The following BOC variants were observed in gnomAD, a reference collection of about 807,000 sequenced individuals.
BOC encodes the protein brother of CDO.
Under a neutral mutation model 112.0 loss-of-function variants are expected in BOC, and 76 were observed. The observed-to-expected ratio is 0.68, with a 90% CI of 0.56 to 0.82. BOC has a LOEUF of 0.82. BOC is among the 40% of genes least tolerant of loss of function. The probability of loss-of-function intolerance (pLI) is 0.00; values close to 1 mark genes in which losing one functional copy is unlikely to be tolerated. For synonymous variants in BOC, 580 were observed against 599.8 expected (o/e 0.97, Z 0.48); for missense variants, 1,309 against 1,511.7 (o/e 0.87, Z 2.22).
In BOC at chr3:113,273,268, C is replaced by T. The variant is rs1324828791; in HGVS notation, c.1161C>T (p.Gly387=). 5.6e-6 allele frequency: 9 copies of T among 1,612,588 alleles called. No homozygotes were observed. Among genetic ancestry groups the T allele is most frequent in the East Asian group, 2.2e-5 (1 of 44,870 alleles). Reference sequence around the variant, plus strand: ...TCAGCATGGGGCCTGAGGACGAAGGCGTCTACCAGTGCATGGCCGAGAACG... The same window carrying T: ...TCAGCATGGGGCCTGAGGACGAAGGTGTCTACCAGTGCATGGCCGAGAACG... The part of the protein sequence containing the change: ...RVLSMGPEDE[G]VYQCMAENEV... Residue 387 remains glycine (G), a synonymous_variant, in exon 8 of 20, where the codon GGC becomes GGT. Coordinates refer to ENST00000682979, the MANE Select transcript of BOC (RefSeq NM_001378074.1).
In BOC at chr3:113,272,564, C is replaced by T. The variant is rs1485732938; in HGVS notation, c.822C>T (p.Tyr274=). The part of the protein sequence containing the change: ...WAKDGSSVTG[Y]NKTRFLLSNL... ...AGGATGGGTCCAGTGTCACCGGCTACAACAAGACGCGCTTCCTGCTGAGCA... is the reference window on the plus strand; with the variant it reads ...AGGATGGGTCCAGTGTCACCGGCTATAACAAGACGCGCTTCCTGCTGAGCA... Residue 274 remains tyrosine, a synonymous_variant, in exon 7 of 20, where the codon TAC becomes TAT. Transcript: ENST00000682979. The T allele has an allele frequency of 5.6e-6, 9 of 1,613,942 alleles. No homozygotes were observed. Among genetic ancestry groups the T allele is most frequent in the Non-Finnish European group, 7.6e-6 (9 of 1,179,968 alleles).
chr3:113,285,378 C>T lies in BOC; in HGVS notation c.2973C>T (p.Pro991=), dbSNP rs747872007. 1 of 1,612,834 alleles carries T rather than the reference C, an allele frequency of 6.2e-7. No individual in the cohort carries two copies. Among genetic ancestry groups the T allele is most frequent in the South Asian group, 1.1e-5 (1 of 91,008 alleles). ...CTGGGCTTGTGCACTGCAGGGGTCC[C>T]AAGTCTAGCCCGGACGAGGGCTCTT... ...DPQSHQITRG[P]KSSPDEGSFL... Residue 991 remains proline, a synonymous_variant, in exon 19 of 20, where the codon CCC becomes CCT. Transcript: ENST00000682979.
chr3:113,230,887 C>T (rs964514612), intron 2 of BOC, among the ~76,000 whole-genome samples: 2 of 152,162 alleles, frequency 1.3e-5, no homozygotes, highest in African/African-American at 2.4e-5. Context: ...TTTTATATAA[C>T]TTACTAAACA....
intron 4 of BOC, among the ~76,000 whole-genome samples, chr3:113,266,350 A>G (rs1947479813): frequency 6.6e-6 from 1 of 152,058 alleles, no homozygotes; most frequent in African/African-American, 2.4e-5. Context: ...TTAACACATC[A>G]CTCCTTGAAT....
intron 1 of BOC, chr3:113,212,720 T>TCGTGTGTGCGTGTA (rs1211423774): frequency 6.6e-6 from 1 of 151,754 alleles, no homozygotes; most frequent in Non-Finnish European, 1.5e-5. Context: ...GAGAGAGAGT[T>TCGTGTGTGCGTGTA]CGTGTGTGCG....
At chr3:113,279,495 C>A (rs745635843) in intron 12 of BOC, 40 bp downstream of exon 12, 2 of 1,584,578 alleles carry the variant, frequency 1.3e-6, no homozygotes, top group Non-Finnish European at 1.7e-6. Context: ...CCTGATCCCC[C>A]AGCTGCCCCT....
Position 113,279,271 on chromosome 3 carries a change from C to A in BOC, c.1839C>A (p.Pro613=), listed in dbSNP as rs773794122. The stretch of plus-strand genomic sequence containing the variant: ...CAGCCCCAGAAGCTCCCGACAGGCC[C>A]ACCATCTCCACGGCCTCCGAGACCT... ...RLSPPEAPDR[P]TISTASETSV... is the part of the protein sequence containing the mutation. Residue 613 remains proline (P), a synonymous_variant, in exon 12 of 20, where the codon CCC becomes CCA. Transcript: ENST00000682979. 6.2e-7 allele frequency: 1 copy of A among 1,613,910 alleles called. No homozygotes were observed. Among genetic ancestry groups the A allele is most frequent in the African/African-American group, 1.3e-5 (1 of 74,948 alleles).
At chr3:113,214,659 T>C (rs1449239554) in intron 1 of BOC, among the ~76,000 whole-genome samples, 1 of 152,234 alleles carries the variant, frequency 6.6e-6, no homozygotes, top group Non-Finnish European at 1.5e-5. Context: ...CTAAGCCCTC[T>C]TGCTGTCTGG....
At chr3:113,240,512 G>A (rs1335508085) in intron 2 of BOC, among the ~76,000 whole-genome samples, 1 of 152,204 alleles carries the variant, frequency 6.6e-6, no homozygotes, top group African/African-American at 2.4e-5. Context: ...CTAGGAGCAT[G>A]TATTCATTCA....
intron 2 of BOC, among the ~76,000 whole-genome samples, chr3:113,217,795 C>T (rs1939744609): frequency 1.3e-5 from 2 of 151,996 alleles, no homozygotes; most frequent in Non-Finnish European, 2.9e-5. Context: ...AAAGTTAAAA[C>T]CTGGTATCAG....
rs181225432 is a variant in BOC, at chr3:113,240,818, G to C, written c.-81-8904G>C. 9.2e-5 allele frequency among the ~76,000 whole-genome samples: 14 copies of C among 152,190 alleles called. No individual in the cohort carries two copies. The East Asian group carries it at 9.7e-4, about 11-fold the overall frequency. The stretch of plus-strand genomic sequence containing the variant: ...TCCTCCTTCCTTTTTGAGCACTGGC[G>C]GGGGAAGATGCCCTTAGACCTCAGG... On this transcript the variant is annotated intron_variant, in intron 2 of 19. Transcript: ENST00000682979.
rs763842993 is a variant in BOC at position 113,273,170 on chromosome 3, C to T, written c.1063C>T (p.Leu355=). The change falls in exon 8 of 20, where the codon CTG becomes TTG. Residue 355 remains leucine, a synonymous_variant. Transcript: ENST00000682979. The part of the protein sequence containing the change: ...EVRGNPPPSV[L]WLRNAVPLIS... Reference sequence around the variant, plus strand: ...GCGTGGGAACCCCCCGCCCTCCGTGCTGTGGCTGAGGAATGCTGTGCCCCT... The same window carrying T: ...GCGTGGGAACCCCCCGCCCTCCGTGTTGTGGCTGAGGAATGCTGTGCCCCT... The T allele has an allele frequency of 6.2e-7, 1 of 1,614,068 alleles. No homozygotes were observed. The highest frequency in any genetic ancestry group is 8.5e-7 in the Non-Finnish European group (1 of 1,180,010).
upstream of BOC, chr3:113,211,026 G>T (rs1045758310): frequency 6.6e-6 from 1 of 152,254 alleles, no homozygotes; most frequent in Non-Finnish European, 1.5e-5. Flanking sequence ...GGTCGGGGGA[G>T]GCTGCGTTAA....
chr3:113,246,416 A>G (rs1944926769), intron 2 of BOC, among the ~76,000 whole-genome samples: 1 of 152,192 alleles, frequency 6.6e-6, no homozygotes, highest in African/African-American at 2.4e-5. Context: ...TACTTTGTTC[A>G]TTTCACAATG....
At chr3:113,247,235 G>A (rs1377474347) in intron 2 of BOC, among the ~76,000 whole-genome samples, 1 of 151,930 alleles carries the variant, frequency 6.6e-6, no homozygotes, top group Non-Finnish European at 1.5e-5. Context: ...TTTCCTTAAG[G>A]GCCTGGGGAA....
chr3:113,226,039 A>G (rs1030568302), intron 2 of BOC, among the ~76,000 whole-genome samples: 5 of 152,252 alleles, frequency 3.3e-5, no homozygotes. Context: ...CACACCAGGT[A>G]TCCAGTGTGT....
intron 16 of BOC, 105 bp from the exon 17 acceptor site, chr3:113,284,230 T>C: frequency 1.1e-6 from 1 of 940,568 alleles, no homozygotes; most frequent in Non-Finnish European, 1.7e-6. Flanking sequence ...GCCTACGTCC[T>C]TCAACCCTCT....
chr3:113,241,876 G>C (rs1409370455), intron 2 of BOC, among the ~76,000 whole-genome samples: 3 of 152,058 alleles, frequency 2.0e-5, no homozygotes, highest in African/African-American at 7.3e-5. Flanking sequence ...CTAAAGCAAG[G>C]AGGGGGGTGC....
chr3:113,279,240 CT>C lies in BOC; in HGVS notation c.1817-6del. ...TGCTTCCTTCCTCACTGGATACGGT[CT>C]TTCCCAGCCCCAGAAGCTCCCGACA... On this transcript the variant is annotated splice_polypyrimidine_tract_variant and splice_region_variant and intron_variant, in intron 11 of 19. Coordinates refer to ENST00000682979, the MANE Select transcript of BOC (RefSeq NM_001378074.1). 1 of 1,612,724 alleles carries C rather than the reference CT, an allele frequency of 6.2e-7. No homozygotes were observed. Among genetic ancestry groups the C allele is most frequent in the East Asian group, 2.2e-5 (1 of 44,838 alleles).
Sources: gnomAD v4.1 joint callset for allele counts (sites outside exome capture counted in the v4.1 genomes callset) on GRCh38, gnomAD v4.1.1 for gene constraint, MANE v1.5 for transcripts, NCBI Gene and HGNC (gene_info 2026-07-23, HGNC 2026-07-21) for gene names.